NAV3: variants seen among roughly 807,000 people sequenced by gnomAD.
NAV3 encodes the protein pore membrane and/or filament interacting like protein 1.
NAV3 carries 87 observed loss-of-function variants against 244.7 expected under a neutral mutation model. The observed-to-expected ratio is 0.36, with a 90% confidence interval of 0.30 to 0.42. NAV3 has a LOEUF of 0.42. NAV3 is among the 20% of genes least tolerant of loss of function. The pLI is 1.00. For synonymous variants in NAV3, 1,126 were observed against 1,042.2 expected, an observed-to-expected ratio of 1.08 and a Z score of -1.55; for missense variants, 2,663 against 2,893.3, an observed-to-expected ratio of 0.92 and a Z score of 1.83.
intron 1 of NAV3, among the ~76,000 whole-genome samples, chr12:77,909,296 C>T (rs1461471181): frequency 6.6e-6 from 1 of 152,010 alleles, no homozygotes. Context: ...TTTTTCTTCT[C>T]TGATCTTACT....
At chr12:77,707,030 C>A (rs1285487503) in intron 2 of NAV3, among the ~76,000 whole-genome samples, 1 of 151,750 alleles carries the variant, frequency 6.6e-6, no homozygotes, top group African/African-American at 2.4e-5. Context: ...CTCTTCAAGA[C>A]CCAGCTTGAA....
At chr12:77,585,581 C>G (rs533481522) in intron 2 of NAV3, among the ~76,000 whole-genome samples, 2 of 152,162 alleles carry the variant, frequency 1.3e-5, no homozygotes, top group African/African-American at 2.4e-5. Flanking sequence ...GATTATCAGA[C>G]ATTAGATTCT....
chr12:78,183,917 A>G (rs548973483), intron 30 of NAV3, among the ~76,000 whole-genome samples: 38 of 151,700 alleles, frequency 2.5e-4, no homozygotes, highest in Admixed American at 5.9e-4. Flanking sequence ...CCTTTAACAT[A>G]CCCAGCTTAC....
At chr12:77,958,961 C>G (rs1183418557) in intron 3 of NAV3, among the ~76,000 whole-genome samples, 1 of 152,094 alleles carries the variant, frequency 6.6e-6, no homozygotes, top group Non-Finnish European at 1.5e-5. Context: ...TAATGAATTT[C>G]TTTGTATTAC....
At chr12:78,198,719 T>C in intron 36 of NAV3, 43 bp downstream of exon 36, 2 of 676,962 alleles carry the variant, frequency 3.0e-6, no homozygotes, top group Non-Finnish European at 4.8e-6. Flanking sequence ...TTTTTTGTTT[T>C]GTGTTGGGGG....
chr12:77,940,505 A>G, intron 2 of NAV3, 69 bp downstream of exon 2: 2 of 1,211,404 alleles, frequency 1.7e-6, no homozygotes, highest in Non-Finnish European at 2.4e-6. Context: ...GCACAACTTA[A>G]GTTAAGCGCC....
Position 78,198,603 on chromosome 12 carries a change from A to G in NAV3, c.6447-2A>G. The G allele has an allele frequency of 6.4e-7, 1 of 1,552,958 alleles. No homozygotes were observed. On this transcript the variant is annotated splice_acceptor_variant, in intron 35 of 39. Coordinates refer to ENST00000397909, the MANE Select transcript of NAV3 (RefSeq NM_001024383.2). LOFTEE classifies it high-confidence loss of function. ...TAAAATTTTCTATTTATTTTTTTCT[A>G]GTCCATATATTATTGGAACAATGAA...
chr12:77,944,648 A>G (rs759768818), intron 3 of NAV3, among the ~76,000 whole-genome samples: 2 of 152,176 alleles, frequency 1.3e-5, no homozygotes, highest in African/African-American at 2.4e-5. Flanking sequence ...GTAATATTTG[A>G]AACCATGGAC....
chr12:77,913,928 G>T (rs904605040), intron 1 of NAV3, among the ~76,000 whole-genome samples: 1 of 151,836 alleles, frequency 6.6e-6, no homozygotes, highest in Non-Finnish European at 1.5e-5. Flanking sequence ...TTTTAAAAGC[G>T]CTGTGATGAG....
chr12:78,208,699 T>G (rs557343905), intron 39 of NAV3, among the ~76,000 whole-genome samples: 21 of 152,200 alleles, frequency 1.4e-4, no homozygotes, highest in Non-Finnish European at 1.6e-4. Flanking sequence ...AACAATACTA[T>G]TACACAGTGA....
At chr12:77,702,605 G>T (rs1288294800) in intron 2 of NAV3, among the ~76,000 whole-genome samples, 1 of 151,174 alleles carries the variant, frequency 6.6e-6, no homozygotes, top group Admixed American at 6.6e-5. Context: ...TTTGCTCTAG[G>T]TGTTACAATA....
At chr12:77,995,052 T>C (rs1298835080) in intron 6 of NAV3, among the ~76,000 whole-genome samples, 181 bp downstream of exon 6, 1 of 152,072 alleles carries the variant, frequency 6.6e-6, no homozygotes, top group Non-Finnish European at 1.5e-5. Flanking sequence ...ACTAGATAAT[T>C]AAATGGGTTT....
intron 2 of NAV3, among the ~76,000 whole-genome samples, chr12:77,774,399 G>C (rs183947368): frequency 6.9e-4 from 105 of 151,546 alleles, no homozygotes; most frequent in African/African-American, 2.5e-3. Context: ...TACTCAGTCA[G>C]CAATATACAA....
At chr12:77,806,549 A>G (rs886368914) in intron 2 of NAV3, among the ~76,000 whole-genome samples, 2 of 151,970 alleles carry the variant, frequency 1.3e-5, no homozygotes, top group Non-Finnish European at 2.9e-5. Context: ...TTTGATTTCC[A>G]TTATTTTGCA....
intron 2 of NAV3, among the ~76,000 whole-genome samples, chr12:77,614,625 G>A (rs1176200568): frequency 6.6e-6 from 1 of 152,078 alleles, no homozygotes; most frequent in Admixed American, 6.6e-5. Context: ...TTAAGACCAC[G>A]AGTTGTAGAG....
intron 26 of NAV3, 94 bp downstream of exon 26, chr12:78,176,553 T>G: frequency 9.0e-7 from 1 of 1,111,074 alleles, no homozygotes; most frequent in Non-Finnish European, 1.3e-6. Flanking sequence ...CTTTTATACC[T>G]TTTAAAACAG....
chr12:77,898,611 G>T (rs1162276743), intron 1 of NAV3, among the ~76,000 whole-genome samples: 3 of 152,166 alleles, frequency 2.0e-5, no homozygotes, highest in Non-Finnish European at 4.4e-5. Context: ...TAGGCCTCCT[G>T]ACATCATGGG....
At chr12:78,175,495 G>A (rs2139654282) in intron 25 of NAV3, 68 bp downstream of exon 25, 1 of 1,560,588 alleles carries the variant, frequency 6.4e-7, no homozygotes, top group South Asian at 1.1e-5. Context: ...TTTTTCTTTG[G>A]GGCTTTAGTG....
At chr12:78,203,217 A>G (rs994220581) in intron 38 of NAV3, among the ~76,000 whole-genome samples, 8 of 151,954 alleles carry the variant, frequency 5.3e-5, no homozygotes, top group Admixed American at 5.2e-4. Context: ...TGTTTGGCCC[A>G]TTTAGCTTTT....
Sources: gnomAD v4.1 joint callset for allele counts (sites outside exome capture counted in the v4.1 genomes callset) on GRCh38, gnomAD v4.1.1 for gene constraint, MANE v1.5 for transcripts, NCBI Gene and HGNC (gene_info 2026-07-23, HGNC 2026-07-21) for gene names.